Variants in CUBN observed in about 807,000 individuals in gnomAD.
CUBN encodes cubilin.
In CUBN, 282 loss-of-function variants were observed where a neutral mutation model predicts 405.3. The observed-to-expected ratio is 0.70, with a 90% CI of 0.63 to 0.77. The LOEUF (loss-of-function observed/expected upper bound fraction) is 0.77, where lower values mean the gene tolerates loss of function less well. Among genes scored for constraint, CUBN ranks in the 30% least tolerant of loss-of-function variants. The probability of loss-of-function intolerance (pLI) is 0.00; values close to 1 mark genes in which losing one functional copy is unlikely to be tolerated. For missense variants in CUBN, 4,514 were observed against 4,475.2 expected (o/e 1.01, Z -0.25); for synonymous variants, 1,684 against 1,617.0 (o/e 1.04, Z -0.99).
chr10:16,828,546 T>C (rs1340392437), intron 66 of CUBN, among the ~76,000 whole-genome samples: 1 of 152,068 alleles, frequency 6.6e-6, no homozygotes, highest in Non-Finnish European at 1.5e-5. Flanking sequence ...GGCAAAACCC[T>C]GTTTCTACTA....
chr10:17,021,950 G>A (rs1327102693), intron 27 of CUBN, among the ~76,000 whole-genome samples: 1 of 152,110 alleles, frequency 6.6e-6, no homozygotes. Context: ...CTTTGATAAA[G>A]GCAGGTTCCC....
intron 65 of CUBN, among the ~76,000 whole-genome samples, chr10:16,829,725 C>T (rs183384529): frequency 3.3e-5 from 5 of 152,118 alleles, no homozygotes; most frequent in African/African-American, 4.8e-5. Context: ...TTACAGAGCA[C>T]GTGGCTGGGC....
intron 8 of CUBN, among the ~76,000 whole-genome samples, chr10:17,113,530 T>C (rs1647895281): frequency 6.6e-6 from 1 of 152,180 alleles, no homozygotes. Flanking sequence ...ATGTTTTCCA[T>C]GACTCAACAT....
chr10:16,838,994 C>T lies in CUBN; in HGVS notation c.10032+1336G>A, dbSNP rs143700913. Reference sequence around the variant, plus strand: ...TTACCATGAATATAAACCTATCAGACTAGTGCCAAACAGCCTCTTCACTGA... The same window carrying T: ...TTACCATGAATATAAACCTATCAGATTAGTGCCAAACAGCCTCTTCACTGA... On this transcript the variant is annotated intron_variant, in intron 62 of 66. Transcript: ENST00000377833. 9.3e-3 allele frequency among the ~76,000 whole-genome samples: 1,409 copies of T among 152,270 alleles called. 28 individuals carry two copies. Among genetic ancestry groups the T allele is most frequent in the African/African-American group, 0.032 (1,337 of 41,550 alleles).
chr10:16,941,791 G>T (rs1842658305), intron 36 of CUBN, among the ~76,000 whole-genome samples: 1 of 152,068 alleles, frequency 6.6e-6, no homozygotes, highest in East Asian at 1.9e-4. Context: ...GAAGTGAGGG[G>T]TGATCGTGCC....
chr10:16,906,451 C>A (rs1014358912), intron 49 of CUBN, 42 bp from the exon 50 acceptor site: 1 of 1,338,704 alleles, frequency 7.5e-7, no homozygotes, highest in African/African-American at 1.4e-5. Context: ...TAGTAAGATT[C>A]AGGCCACAAC....
At chr10:17,128,198 C>T (rs113660330) in intron 2 of CUBN, among the ~76,000 whole-genome samples, 1 of 152,142 alleles carries the variant, frequency 6.6e-6, no homozygotes, top group Non-Finnish European at 1.5e-5. Flanking sequence ...TATTAAGAAA[C>T]CTGGCTTGGA....
chr10:17,004,097 GT>G (rs1564473128), intron 28 of CUBN, among the ~76,000 whole-genome samples: 2 of 152,132 alleles, frequency 1.3e-5, no homozygotes, highest in South Asian at 2.1e-4. Flanking sequence ...GGCACCATCT[GT>G]CATTTCTTGT....
At chr10:16,993,964 T>G (rs144363488) in intron 28 of CUBN, among the ~76,000 whole-genome samples, 3 of 152,192 alleles carry the variant, frequency 2.0e-5, no homozygotes, top group Admixed American at 6.5e-5. Context: ...AAGGAAACAT[T>G]TGAATTAAAA....
At position 17,039,277 on chromosome 10, in the gene CUBN, C is replaced by G. The variant is rs543017471; in HGVS notation, c.4017+1756G>C. Among the ~76,000 whole-genome samples the G allele has an allele frequency of 7.9e-5, 12 of 152,258 alleles. No homozygotes were observed. The East Asian group carries it at 1.4e-3, about 17-fold the overall frequency. On this transcript the variant is annotated intron_variant, in intron 27 of 66. Transcript: ENST00000377833. ...GGATTGCACTGCGTGTGTAGGAGGT[C>G]GTACAAAAACGCCAGTTTGGAATTC... is the stretch of plus-strand genomic sequence containing the variant.
chr10:16,958,297 G>A (rs1047228913), intron 31 of CUBN, among the ~76,000 whole-genome samples: 1 of 152,034 alleles, frequency 6.6e-6, no homozygotes, highest in Non-Finnish European at 1.5e-5. Context: ...ACAAGGAATG[G>A]ATCAAAAATA....
intron 8 of CUBN, among the ~76,000 whole-genome samples, chr10:17,112,631 A>G (rs1396675078): frequency 6.6e-6 from 1 of 152,078 alleles, no homozygotes; most frequent in African/African-American, 2.4e-5. Context: ...TGCCCCTGAG[A>G]ACTAAGAGGG....
At chr10:17,015,464 G>A (rs1834302701) in intron 28 of CUBN, among the ~76,000 whole-genome samples, 1 of 152,226 alleles carries the variant, frequency 6.6e-6, no homozygotes, top group South Asian at 2.1e-4. Flanking sequence ...CAACTGAGGA[G>A]GTAGGAGAAA....
chr10:16,933,388 C>T, intron 39 of CUBN, 104 bp from the exon 40 acceptor site: 1 of 934,182 alleles, frequency 1.1e-6, no homozygotes. Flanking sequence ...AAGAAGCAAC[C>T]AATTGAAACA....
intron 31 of CUBN, among the ~76,000 whole-genome samples, chr10:16,963,870 G>A (rs958718322): frequency 2.0e-5 from 3 of 152,196 alleles, no homozygotes; most frequent in African/African-American, 7.2e-5. Flanking sequence ...TTCATAGTGT[G>A]TATGGATATA....
chr10:16,873,790 G>A (rs1192058076), intron 58 of CUBN, among the ~76,000 whole-genome samples: 1 of 151,990 alleles, frequency 6.6e-6, no homozygotes, highest in African/African-American at 2.4e-5. Context: ...GAAACATTGA[G>A]GATGTGGTGT....
Position 17,045,074 on chromosome 10 carries a change from G to A in CUBN, c.3605C>T (p.Ala1202Val), listed in dbSNP as rs1835097031. The change falls in exon 25 of 67, where the codon GCA (alanine) becomes GTA (valine). Residue 1202 changes from alanine (A) to valine (V), a missense_variant. Ala to Val is a moderately conservative substitution (Grantham distance 64). Transcript: ENST00000377833. The stretch of plus-strand genomic sequence containing the variant: ...AAAGTCTTTGAATTCCAGTTCAAAT[G>A]CGCTGCCGTGGCTAGATTTCAACCA... ...YWWLKSSHGS[A>V]FELEFKDFHL... The A allele has an allele frequency of 6.2e-7, 1 of 1,614,100 alleles. No individual in the cohort carries two copies. Among genetic ancestry groups the A allele is most frequent in the Non-Finnish European group, 8.5e-7 (1 of 1,180,012 alleles).
chr10:16,950,106 G>A lies in CUBN; in HGVS notation c.4975C>T (p.His1659Tyr), dbSNP rs1222277355. Residue 1659 changes from histidine to tyrosine, a missense_variant, in exon 34 of 67, where the codon CAT (histidine) becomes TAT (tyrosine). This residue lies in a region of CUBN where 1,613 missense variants were observed against 1,542.8 expected (regional missense o/e 1.05). Coordinates refer to ENST00000377833, the MANE Select transcript of CUBN (RefSeq NM_001081.4). ...WIIQAQPPLN[H>Y]ITLSFTHFEL... is the part of the protein sequence containing the mutation. ...AAGTGGGTAAAAGAGAGGGTGATAT[G>A]ATTTACTGGAAGAAAAAAGAGAAGA... The A allele has an allele frequency of 6.2e-7, 1 of 1,609,642 alleles. No individual in the cohort carries two copies.
At chr10:16,959,136 G>C (rs747684882) in intron 31 of CUBN, among the ~76,000 whole-genome samples, 1 of 152,160 alleles carries the variant, frequency 6.6e-6, no homozygotes, top group African/African-American at 2.4e-5. Flanking sequence ...CCTGACACTA[G>C]AGGAGGTATT....
Sources: gnomAD v4.1 joint callset for allele counts (sites outside exome capture counted in the v4.1 genomes callset) on GRCh38, gnomAD v4.1.1 for gene constraint, gnomAD v4.1.1 regional missense constraint, MANE v1.5 for transcripts, NCBI Gene and HGNC (gene_info 2026-07-23, HGNC 2026-07-21) for gene names.